Variants in MEGF6 observed in about 807,000 individuals in gnomAD.
MEGF6 encodes the protein multiple epidermal growth factor-like domains protein 6.
Under a neutral mutation model 207.1 loss-of-function variants are expected in MEGF6, and 184 were observed. That is an observed-to-expected ratio of 0.89 (90% CI 0.79 to 1.00). The LOEUF is 1.00. Ranked by LOEUF, MEGF6 falls within the 50% of genes least tolerant of loss-of-function variation. The probability of loss-of-function intolerance (pLI) is 0.00; values close to 1 mark genes in which losing one functional copy is unlikely to be tolerated. For synonymous variants in MEGF6, 1,038 were observed against 910.0 expected (o/e 1.14, Z -2.53); for missense variants, 2,282 against 2,202.9 (o/e 1.04, Z -0.72).
At chr1:3,518,233 G>A (rs1052768297) in intron 5 of MEGF6, among the ~76,000 whole-genome samples, 1 of 152,016 alleles carries the variant, frequency 6.6e-6, no homozygotes, top group Non-Finnish European at 1.5e-5. Context: ...GTCCTTGTAG[G>A]AAGAGACACA....
intron 3 of MEGF6, among the ~76,000 whole-genome samples, chr1:3,583,832 G>C (rs71634346): frequency 1.6e-3 from 7 of 4,312 alleles, no homozygotes; most frequent in Middle Eastern, 0.056. Context: ...ACCAGACAAC[G>C]CGCAGCCACC....
At chr1:3,557,513 C>T (rs1413419718) in intron 4 of MEGF6, among the ~76,000 whole-genome samples, 1 of 152,208 alleles carries the variant, frequency 6.6e-6, no homozygotes, top group Non-Finnish European at 1.5e-5. Flanking sequence ...CCTCGCTGGG[C>T]GGTTATCTCT....
chr1:3,510,210 G>C (rs777694929), intron 10 of MEGF6, among the ~76,000 whole-genome samples: 18 of 152,118 alleles, frequency 1.2e-4, no homozygotes, highest in Admixed American at 9.8e-4. Flanking sequence ...CACGTGCTAG[G>C]GGGGGCCAGG....
rs551490801 is a variant in MEGF6 at position 3,557,047 on chromosome 1, G to A, written c.481+22778C>T. On this transcript the variant is annotated intron_variant, in intron 4 of 36. Transcript: ENST00000356575. ...AGTCAGAGAGAGAGGCAAGGACATC[G>A]CAGCAGCCAGGAGAGACGGGCGCTG... Among the ~76,000 whole-genome samples, 24 of 152,304 alleles carry A rather than the reference G, an allele frequency of 1.6e-4. No homozygotes were observed. In the South Asian group the frequency reaches 3.7e-3, roughly 24 times the overall value.
intron 29 of MEGF6, among the ~76,000 whole-genome samples, 186 bp downstream of exon 29, chr1:3,496,469 T>C (rs1037000773): frequency 2.0e-5 from 3 of 152,212 alleles, no homozygotes; most frequent in Admixed American, 1.3e-4. Context: ...TGGGGCCACA[T>C]AGACACCCCC....
chr1:3,510,546 A>C (rs76060448), intron 10 of MEGF6, among the ~76,000 whole-genome samples: 10 of 85,818 alleles, frequency 1.2e-4, no homozygotes. Flanking sequence ...CACAGCCCTG[A>C]ACTCAGCAGG....
At chr1:3,503,605 G>A (rs192825852) in intron 17 of MEGF6, among the ~76,000 whole-genome samples, 3 of 152,248 alleles carry the variant, frequency 2.0e-5, no homozygotes, top group African/African-American at 4.8e-5. Context: ...TGGAAGGAGG[G>A]TCACAGGCAT....
At chr1:3,571,397 C>T (rs1188895873) in intron 4 of MEGF6, among the ~76,000 whole-genome samples, 2 of 152,078 alleles carry the variant, frequency 1.3e-5, no homozygotes, top group Non-Finnish European at 2.9e-5. Flanking sequence ...CCAAGGCCAG[C>T]CTGCCCCAAA....
intron 4 of MEGF6, among the ~76,000 whole-genome samples, chr1:3,569,451 A>G (rs868611): frequency 0.12 from 18,459 of 152,208 alleles, 2,517 homozygotes; most frequent in African/African-American, 0.34. Flanking sequence ...CCCGGATGCC[A>G]TGGTCAGCCC....
intron 4 of MEGF6, among the ~76,000 whole-genome samples, chr1:3,537,931 G>A (rs1160366010): frequency 6.6e-6 from 1 of 152,140 alleles, no homozygotes; most frequent in Non-Finnish European, 1.5e-5. Context: ...TGGGGGAAAG[G>A]AGCCACCCAG....
intron 4 of MEGF6, among the ~76,000 whole-genome samples, chr1:3,524,700 G>A (rs12093117): frequency 0.065 from 9,824 of 152,300 alleles, 397 homozygotes; most frequent in African/African-American, 0.1. Context: ...AGGGGAGGGC[G>A]TGCTGGCTTC....
chr1:3,520,102 C>A (rs1263045927), intron 5 of MEGF6, among the ~76,000 whole-genome samples: 1 of 152,250 alleles, frequency 6.6e-6, no homozygotes, highest in Non-Finnish European at 1.5e-5. Context: ...CCTGGGGTGG[C>A]ACAGCGTGTT....
At chr1:3,522,539 G>A (rs1158906623) in intron 5 of MEGF6, among the ~76,000 whole-genome samples, 1 of 151,994 alleles carries the variant, frequency 6.6e-6, no homozygotes, top group Non-Finnish European at 1.5e-5. Flanking sequence ...CGGCCTCCTG[G>A]GAGGCAAATC....
chr1:3,600,684 T>C (rs898462817), intron 2 of MEGF6, among the ~76,000 whole-genome samples: 3 of 152,054 alleles, frequency 2.0e-5, no homozygotes, highest in African/African-American at 7.2e-5. Flanking sequence ...GGGACACAAA[T>C]TGGAAACGTG....
chr1:3,578,845 T>TCAAAACGCTGGGGAGACCAAGCACCTCCG, intron 4 of MEGF6, among the ~76,000 whole-genome samples: 2 of 151,458 alleles, frequency 1.3e-5, no homozygotes, highest in African/African-American at 4.9e-5. Context: ...GTCACCCAGC[T>TCAAAACGCTGGGGAGACCAAGCACCTCCG]CAGAACGCTG....
chr1:3,545,940 C>A (rs1269404050), intron 4 of MEGF6, among the ~76,000 whole-genome samples: 1 of 152,130 alleles, frequency 6.6e-6, no homozygotes, highest in Non-Finnish European at 1.5e-5. Context: ...AGCAGGCTGG[C>A]CCCTGCCCCC....
chr1:3,516,728 G>A (rs1350134138), intron 5 of MEGF6, among the ~76,000 whole-genome samples: 1 of 152,184 alleles, frequency 6.6e-6, no homozygotes, highest in African/African-American at 2.4e-5. Context: ...CCCTGAGAAG[G>A]CAAAGCCCCC....
chr1:3,493,626 C>T (rs1301656417), intron 34 of MEGF6, 145 bp downstream of exon 34: 6 of 1,187,894 alleles, frequency 5.1e-6, no homozygotes, highest in South Asian at 3.2e-5. Context: ...CTCCAGCCCC[C>T]CCAGGGGGCA....
chr1:3,493,568 G>A, intron 34 of MEGF6: 2 of 697,578 alleles, frequency 2.9e-6, no homozygotes. Flanking sequence ...CCTGGCCTAA[G>A]GCTCCAGCAG....
Sources: gnomAD v4.1 joint callset for allele counts (sites outside exome capture counted in the v4.1 genomes callset) on GRCh38, gnomAD v4.1.1 for gene constraint, MANE v1.5 for transcripts, NCBI Gene and HGNC (gene_info 2026-07-23, HGNC 2026-07-21) for gene names.